Variants in MAP7 observed in about 807,000 individuals in gnomAD.
MAP7 encodes the protein microtubule associated protein 7.
In MAP7, 52 loss-of-function variants were observed where a neutral mutation model predicts 94.8. That is an observed-to-expected ratio of 0.55 (90% CI 0.44 to 0.69). The LOEUF (loss-of-function observed/expected upper bound fraction) is 0.69. MAP7 is among the 30% of genes least tolerant of loss of function. The pLI is 0.00. For synonymous variants in MAP7, 350 were observed against 357.0 expected, an observed-to-expected ratio of 0.98 and a Z score of 0.22; for missense variants, 940 against 964.6, an observed-to-expected ratio of 0.97 and a Z score of 0.34.
chr6:136,428,330 A>T (rs888909461), intron 1 of MAP7, among the ~76,000 whole-genome samples: 1 of 152,176 alleles, frequency 6.6e-6, no homozygotes, highest in Admixed American at 6.5e-5. Flanking sequence ...AGCCTGGTCA[A>T]CATGGTGAAA....
chr6:136,362,548 T>C lies in MAP7; in HGVS notation c.1428A>G (p.Pro476=). 6.2e-7 allele frequency: 1 copy of C among 1,614,142 alleles called. No homozygotes were observed. The highest frequency in any genetic ancestry group is 2.2e-5 in the East Asian group (1 of 44,876). ...CAGCTAGAAGCCTTGTGGCCTCCTC[T>C]GGGTCGGTGGTGCCTGCAGAAGTCT... ...SVKTSAGTTD[P]EEATRLLAEK... Residue 476 remains proline (P), a synonymous_variant, in exon 11 of 18, where the codon CCA becomes CCG. Coordinates refer to ENST00000354570, the MANE Select transcript of MAP7 (RefSeq NM_003980.6).
intron 1 of MAP7, among the ~76,000 whole-genome samples, chr6:136,493,943 T>C (rs1201608495): frequency 5.9e-5 from 9 of 152,338 alleles, no homozygotes; most frequent in African/African-American, 1.4e-4. Flanking sequence ...GTCTGTAAAA[T>C]GGGGAAGGCA....
At position 136,436,065 on chromosome 6, in the gene MAP7, T is replaced by G. The variant is rs553928627; in HGVS notation, c.68-14266A>C. 2.6e-5 allele frequency among the ~76,000 whole-genome samples: 4 copies of G among 152,282 alleles called. No individual in the cohort carries two copies. The East Asian group carries it at 7.7e-4, about 29-fold the overall frequency. On this transcript the variant is annotated intron_variant, in intron 1 of 17. Transcript: ENST00000354570. ...ACATAACCCATTTATTATTGAGAATTATTATTTTAAAAAACAAGCACTATA... is the reference window on the plus strand; with the variant it reads ...ACATAACCCATTTATTATTGAGAATGATTATTTTAAAAAACAAGCACTATA...
chr6:136,421,423 T>C (rs1044290997), intron 2 of MAP7, among the ~76,000 whole-genome samples: 7 of 152,246 alleles, frequency 4.6e-5, no homozygotes, highest in Non-Finnish European at 1.0e-4. Flanking sequence ...ACCATCTCAT[T>C]GATTGTCAAA....
intron 16 of MAP7, among the ~76,000 whole-genome samples, chr6:136,352,771 T>C (rs1263178126): frequency 6.6e-6 from 1 of 152,208 alleles, no homozygotes; most frequent in Non-Finnish European, 1.5e-5. Context: ...GTATGGAAAC[T>C]ACAAACAATG....
intron 3 of MAP7, among the ~76,000 whole-genome samples, chr6:136,404,696 T>G (rs958112066): frequency 6.6e-6 from 1 of 152,218 alleles, no homozygotes; most frequent in South Asian, 2.1e-4. Context: ...AATAATTACA[T>G]GTTTACTGAG....
chr6:136,497,525 T>TAAA (rs537275225), intron 1 of MAP7, among the ~76,000 whole-genome samples: 21 of 140,410 alleles, frequency 1.5e-4, no homozygotes, highest in East Asian at 1.0e-3. Context: ...TCATCTTACT[T>TAAA]AAAAAAAAAA....
chr6:136,400,702 C>T, intron 3 of MAP7, among the ~76,000 whole-genome samples: 1 of 152,188 alleles, frequency 6.6e-6, no homozygotes, highest in Non-Finnish European at 1.5e-5. Context: ...TGAAATGATG[C>T]TTCCAAGATC....
rs56764706 is a variant in MAP7, at chr6:136,505,277, GTATATATATATATA to G, written c.67+45051_67+45064del. ...TGTGTGTGTGTGTGTGTGTGTGTGT[GTATATATATATATA>G]TATATATATATATATATATATAGTA... On this transcript the variant is annotated intron_variant, in intron 1 of 17. Transcript: ENST00000354570. Among the ~76,000 whole-genome samples, 154 of 53,836 alleles carry G rather than the reference GTATATATATATATA, an allele frequency of 2.9e-3. 5 individuals are homozygous for G. Among genetic ancestry groups the G allele is most frequent in the African/African-American group, 0.011 (140 of 12,440 alleles). The allele number at this position is 53,836 out of a possible 152,430, so 35.3% of individuals were successfully genotyped here.
intron 1 of MAP7, among the ~76,000 whole-genome samples, chr6:136,442,205 C>T (rs1798062657): frequency 6.6e-6 from 1 of 151,556 alleles, no homozygotes; most frequent in African/African-American, 2.4e-5. Flanking sequence ...AAGTTTGAGA[C>T]CAGCCTGGCC....
At chr6:136,438,988 A>G (rs1562400825) in intron 1 of MAP7, among the ~76,000 whole-genome samples, 1 of 152,216 alleles carries the variant, frequency 6.6e-6, no homozygotes, top group Non-Finnish European at 1.5e-5. Context: ...GAAAGTTACA[A>G]TGTGCAACTG....
chr6:136,378,929 T>A (rs1776981507), intron 6 of MAP7, among the ~76,000 whole-genome samples: 1 of 152,204 alleles, frequency 6.6e-6, no homozygotes, highest in African/African-American at 2.4e-5. Context: ...GATCTTGCCA[T>A]GTTGCTCAGG....
rs1411923062 is a variant in MAP7, at chr6:136,505,273, G to GTATATATA, written c.67+45068_67+45069insTATATATA. ...GTAATGTGTGTGTGTGTGTGTGTGT[G>GTATATATA]TGTGTATATATATATATATATATAT... On this transcript the variant is annotated intron_variant, in intron 1 of 17. Coordinates refer to ENST00000354570, the MANE Select transcript of MAP7 (RefSeq NM_003980.6). Among the ~76,000 whole-genome samples, 650 of 69,392 alleles carry GTATATATA rather than the reference G, an allele frequency of 9.4e-3. 6 individuals carry two copies. The highest frequency in any genetic ancestry group is 0.019 in the Middle Eastern group (2 of 104). The allele number at this position is 69,392 out of a possible 152,430, so 45.5% of individuals were successfully genotyped here.
chr6:136,348,019 C>G (rs1189197969), intron 16 of MAP7, among the ~76,000 whole-genome samples: 1 of 146,380 alleles, frequency 6.8e-6, no homozygotes, highest in Non-Finnish European at 1.5e-5. Flanking sequence ...ATGCCCCCCC[C>G]CCCAAGTCAC....
intron 3 of MAP7, among the ~76,000 whole-genome samples, chr6:136,400,409 C>G (rs947722000): frequency 1.4e-5 from 2 of 144,040 alleles, no homozygotes; most frequent in African/African-American, 5.2e-5. Context: ...GGGCGAGACT[C>G]TGTCTCAAAA....
At chr6:136,405,337 G>T (rs1785266874) in intron 3 of MAP7, among the ~76,000 whole-genome samples, 1 of 152,196 alleles carries the variant, frequency 6.6e-6, no homozygotes, top group Admixed American at 6.5e-5. Flanking sequence ...AATAAAGAAG[G>T]TCTGGTTTGA....
At chr6:136,356,166 G>GC (rs1790862338) in intron 16 of MAP7, among the ~76,000 whole-genome samples, 7 of 152,042 alleles carry the variant, frequency 4.6e-5, no homozygotes, top group Admixed American at 4.6e-4. Flanking sequence ...ATTATCACTT[G>GC]TTTTTTGTTT....
At chr6:136,392,983 T>C (rs1781211453) in intron 3 of MAP7, among the ~76,000 whole-genome samples, 2 of 152,196 alleles carry the variant, frequency 1.3e-5, no homozygotes, top group Admixed American at 6.5e-5. Flanking sequence ...ATATTAAGAA[T>C]ATATTTGAAA....
At chr6:136,361,746 CTG>C (rs1792866890) in intron 11 of MAP7, among the ~76,000 whole-genome samples, 1 of 152,186 alleles carries the variant, frequency 6.6e-6, no homozygotes, top group South Asian at 2.1e-4. Context: ...ATTAAACAAA[CTG>C]TTTCTGGAAT....
Sources: gnomAD v4.1 joint callset for allele counts (sites outside exome capture counted in the v4.1 genomes callset) on GRCh38, gnomAD v4.1.1 for gene constraint, MANE v1.5 for transcripts, NCBI Gene and HGNC (gene_info 2026-07-23, HGNC 2026-07-21) for gene names.